UBR3: variants seen among roughly 807,000 people sequenced by gnomAD.
The protein encoded by UBR3 is E3 ubiquitin-protein ligase UBR3.
UBR3 carries 85 observed loss-of-function variants against 243.2 expected under a neutral mutation model. The observed-to-expected ratio is 0.35, with a 90% CI of 0.29 to 0.42. The LOEUF is 0.42. UBR3 is among the 10% of genes least tolerant of loss of function. The pLI is 1.00. For synonymous variants in UBR3, 748 were observed against 799.8 expected, an observed-to-expected ratio of 0.94 and a Z score of 1.09; for missense variants, 1,686 against 2,300.8, an observed-to-expected ratio of 0.73 and a Z score of 5.47.
chr2:170,072,034 G>A (rs371646445), intron 35 of UBR3, among the ~76,000 whole-genome samples: 3 of 151,982 alleles, frequency 2.0e-5, no homozygotes, highest in Admixed American at 6.6e-5. Context: ...GGGATCTAGA[G>A]CTAGAAATAC....
At chr2:170,071,861 TCA>T (rs1257246174) in intron 35 of UBR3, among the ~76,000 whole-genome samples, 1 of 152,182 alleles carries the variant, frequency 6.6e-6, no homozygotes, top group Non-Finnish European at 1.5e-5. Flanking sequence ...TCCAGAGAAC[TCA>T]CAGTTTTATG....
Position 170,061,146 on chromosome 2 carries a change from G to A in UBR3, c.4853G>A (p.Gly1618Glu), listed in dbSNP as rs756471536. ...LSFVISELFK[G>E]KLYHEEGTQE... ...TTTGTGATAAGTGAACTATTTAAAG[G>A]AAAGTTATACCATGAAGAAGGAACT... Residue 1618 changes from glycine (G) to glutamate (E), a missense_variant, in exon 34 of 39, where the codon GGA becomes GAA. Around this residue, in one of 8 missense-constraint regions of UBR3, gnomAD observed 371 missense variants for 422.5 expected, o/e 0.88. Coordinates refer to ENST00000272793, the MANE Select transcript of UBR3 (RefSeq NM_172070.4). The A allele has an allele frequency of 1.2e-6, 2 of 1,601,188 alleles. No individual in the cohort carries two copies. The highest frequency in any genetic ancestry group is 2.2e-5 in the East Asian group (1 of 44,678).
At position 169,859,203 on chromosome 2, in the gene UBR3, C is replaced by G. The variant is rs186348667; in HGVS notation, c.546-13033C>G. 1.9e-3 allele frequency among the ~76,000 whole-genome samples: 294 copies of G among 150,820 alleles called. 1 individual carries two copies. Among genetic ancestry groups the G allele is most frequent in the African/African-American group, 6.8e-3 (277 of 40,892 alleles). On this transcript the variant is annotated intron_variant, in intron 1 of 38. Coordinates refer to ENST00000272793, the MANE Select transcript of UBR3 (RefSeq NM_172070.4). ...TCTCCTGCTTCAGCCTCCCAAGTAG[C>G]TGGGACCACAGGCACCCACCACCAT...
At chr2:169,851,747 A>C (rs1412944542) in intron 1 of UBR3, among the ~76,000 whole-genome samples, 3 of 151,230 alleles carry the variant, frequency 2.0e-5, no homozygotes, top group Non-Finnish European at 4.4e-5. Context: ...CTGAGGCAGG[A>C]GAATCACTTG....
At chr2:169,916,701 C>T (rs906635133) in intron 11 of UBR3, among the ~76,000 whole-genome samples, 23 of 152,024 alleles carry the variant, frequency 1.5e-4, no homozygotes, top group Admixed American at 1.4e-3. Context: ...GTATTGTTGC[C>T]CTCCTTACCT....
At chr2:169,831,253 C>A (rs964893845) in intron 1 of UBR3, among the ~76,000 whole-genome samples, 3 of 147,340 alleles carry the variant, frequency 2.0e-5, no homozygotes, top group Admixed American at 6.8e-5. Context: ...TGATTCTCTA[C>A]CTCAGCCTTC....
chr2:170,049,117 T>A (rs764817685), intron 32 of UBR3, among the ~76,000 whole-genome samples: 2 of 152,172 alleles, frequency 1.3e-5, no homozygotes, highest in Admixed American at 6.5e-5. Flanking sequence ...CTGCACATAT[T>A]TTTTGATTTC....
rs371288431 is a variant in UBR3 at position 170,029,336 on chromosome 2, A to G, written c.4454-10A>G. ...GAACTTTCTAATTACCTTTTCTTCA[A>G]TTTTTTCAGATCAGCTGTTTCATGT... On this transcript the variant is annotated splice_polypyrimidine_tract_variant and intron_variant, in intron 30 of 38. Coordinates refer to ENST00000272793, the MANE Select transcript of UBR3 (RefSeq NM_172070.4). The G allele has an allele frequency of 4.4e-6, 7 of 1,587,836 alleles. No individual in the cohort carries two copies. The highest frequency in any genetic ancestry group is 5.1e-6 in the Non-Finnish European group (6 of 1,170,700).
intron 1 of UBR3, among the ~76,000 whole-genome samples, chr2:169,831,110 T>TAC (rs1459058661): frequency 2.2e-5 from 1 of 45,362 alleles, no homozygotes; most frequent in African/African-American, 6.3e-5. Flanking sequence ...TGGTACATTA[T>TAC]ATATATATAT....
Position 169,926,710 on chromosome 2 carries a change from G to T in UBR3, c.2170G>T (p.Asp724Tyr). 6.5e-7 allele frequency: 1 copy of T among 1,549,866 alleles called. No homozygotes were observed. The highest frequency in any genetic ancestry group is 1.2e-5 in the South Asian group (1 of 83,186). Reference protein sequence around the residue: ...YLLQVCASRLDPDYFISSVFE... With the variant: ...YLLQVCASRLYPDYFISSVFE... ...TTTAAAGGTTTGTGCTTCTAGACTT[G>T]ACCCAGATTATTTTATTTCATCCGT... Residue 724 changes from aspartate (D) to tyrosine (Y), a missense_variant, in exon 15 of 39, where the codon GAC (aspartate) becomes TAC (tyrosine). By Grantham distance (160) the Asp-to-Tyr change is radical. Around this residue, in one of 8 missense-constraint regions of UBR3, gnomAD observed 346 missense variants for 585.8 expected, o/e 0.59. Coordinates refer to ENST00000272793, the MANE Select transcript of UBR3 (RefSeq NM_172070.4).
intron 29 of UBR3, chr2:170,013,715 G>T (rs1553535293): frequency 5.7e-6 from 1 of 174,832 alleles, no homozygotes. Flanking sequence ...ATGGTGAAAT[G>T]TTGACATTCT....
At chr2:170,058,872 G>A (rs1204536693) in intron 33 of UBR3, among the ~76,000 whole-genome samples, 3 of 152,120 alleles carry the variant, frequency 2.0e-5, no homozygotes, top group African/African-American at 7.2e-5. Flanking sequence ...TGTTTGCTGG[G>A]GTGTGGTATC....
intron 1 of UBR3, among the ~76,000 whole-genome samples, chr2:169,857,978 T>C (rs1434660169): frequency 2.0e-5 from 3 of 152,194 alleles, no homozygotes; most frequent in Non-Finnish European, 4.4e-5. Context: ...TTGTAGGCTG[T>C]AGTGTTATTG....
At chr2:170,008,424 A>C (rs149818006) in intron 28 of UBR3, among the ~76,000 whole-genome samples, 2 of 152,184 alleles carry the variant, frequency 1.3e-5, no homozygotes, top group Admixed American at 6.5e-5. Context: ...AATATGCTTA[A>C]ACTTACGGGA....
intron 36 of UBR3, chr2:170,078,396 G>A (rs111230790): frequency 1.3e-5 from 3 of 227,892 alleles, no homozygotes; most frequent in Non-Finnish European, 2.6e-5. Context: ...AGGCAAGACC[G>A]AATTTTAGGT....
intron 10 of UBR3, among the ~76,000 whole-genome samples, chr2:169,910,366 T>C (rs962907527): frequency 1.1e-4 from 16 of 152,276 alleles, no homozygotes; most frequent in East Asian, 1.9e-4. Flanking sequence ...TGGGTTGATA[T>C]GATATTGATA....
chr2:170,065,156 T>TA (rs2091534978), intron 35 of UBR3, among the ~76,000 whole-genome samples: 1 of 152,166 alleles, frequency 6.6e-6, no homozygotes, highest in Non-Finnish European at 1.5e-5. Flanking sequence ...CTTTTATTCT[T>TA]ATATACATTT....
At chr2:170,012,113 T>C (rs1263772055) in intron 29 of UBR3, among the ~76,000 whole-genome samples, 1 of 152,162 alleles carries the variant, frequency 6.6e-6, no homozygotes, top group Admixed American at 6.6e-5. Context: ...TGTACCTTCA[T>C]AGGTTACTTT....
At chr2:169,925,463 T>A (rs973006449) in intron 13 of UBR3, among the ~76,000 whole-genome samples, 156 bp from the exon 14 acceptor site, 1 of 152,146 alleles carries the variant, frequency 6.6e-6, no homozygotes, top group African/African-American at 2.4e-5. Context: ...AAAAAAAATG[T>A]AAAAATGTAT....
Sources: gnomAD v4.1 joint callset for allele counts (sites outside exome capture counted in the v4.1 genomes callset) on GRCh38, gnomAD v4.1.1 for gene constraint, gnomAD v4.1.1 regional missense constraint, MANE v1.5 for transcripts, NCBI Gene and HGNC (gene_info 2026-07-23, HGNC 2026-07-21) for gene names.